The following ARMC1 variants were observed in gnomAD, a reference collection of about 807,000 sequenced individuals.
ARMC1 encodes armadillo repeat containing 1.
In ARMC1, 16 loss-of-function variants were observed where a neutral mutation model predicts 31.4. The ratio of observed to expected loss-of-function variants is 0.51; its 90% CI spans 0.34 to 0.77. The LOEUF (loss-of-function observed/expected upper bound fraction) is 0.77, where lower values mean the gene tolerates loss of function less well. Among genes scored for constraint, ARMC1 ranks in the 30% least tolerant of loss-of-function variants. The pLI is 0.01. For missense variants in ARMC1, 259 were observed against 347.5 expected (o/e 0.75, Z 2.02); for synonymous variants, 114 against 118.9 (o/e 0.96, Z 0.27).
intron 1 of ARMC1, chr8:65,632,976 C>T (rs1808680247): frequency 6.6e-6 from 1 of 152,218 alleles, no homozygotes; most frequent in Non-Finnish European, 1.5e-5. Context: ...GTTTAATGAG[C>T]ACTCTGGTCA....
chr8:65,605,618 AG>A, intron 4 of ARMC1, 80 bp from the exon 5 acceptor site: 6 of 982,052 alleles, frequency 6.1e-6, no homozygotes, highest in South Asian at 5.5e-5. Context: ...TATATTTTGG[AG>A]GGGGGAAGAG....
chr8:65,624,198 A>T (rs1323313983), intron 2 of ARMC1, among the ~76,000 whole-genome samples: 1 of 152,070 alleles, frequency 6.6e-6, no homozygotes, highest in Non-Finnish European at 1.5e-5. Context: ...AATGAAGGTA[A>T]ATATAAAAGA....
intron 4 of ARMC1, among the ~76,000 whole-genome samples, chr8:65,607,753 T>C (rs1398605304): frequency 2.0e-5 from 3 of 152,202 alleles, no homozygotes; most frequent in Non-Finnish European, 2.9e-5. Flanking sequence ...TCCACAAATT[T>C]AGGAAGAACT....
At chr8:65,610,158 C>T (rs1039066269) in intron 4 of ARMC1, among the ~76,000 whole-genome samples, 2 of 151,982 alleles carry the variant, frequency 1.3e-5, no homozygotes, top group African/African-American at 4.8e-5. Flanking sequence ...AGTGCAATGG[C>T]GCAATCTCAG....
chr8:65,607,995 T>C (rs1333457609), intron 4 of ARMC1, among the ~76,000 whole-genome samples: 1 of 152,220 alleles, frequency 6.6e-6, no homozygotes, highest in Non-Finnish European at 1.5e-5. Context: ...ACTACTTTTC[T>C]CCTTTTAAGA....
chr8:65,632,257 G>A lies in ARMC1; in HGVS notation c.-36+1741C>T, dbSNP rs151115830. Among the ~76,000 whole-genome samples, 11 of 151,836 alleles carry A rather than the reference G, an allele frequency of 7.2e-5. No individual in the cohort carries two copies. The East Asian group carries it at 1.9e-3, about 27-fold the overall frequency. On this transcript the variant is annotated intron_variant, in intron 1 of 6. Transcript: ENST00000276569. The stretch of plus-strand genomic sequence containing the variant: ...AGTTCAAGACCAGCCTGGGCAACAT[G>A]GCAAAACCCCATCTCTACTAAAAAT...
intron 3 of ARMC1, among the ~76,000 whole-genome samples, chr8:65,615,555 A>T (rs1374725780): frequency 6.6e-6 from 1 of 151,946 alleles, no homozygotes; most frequent in African/African-American, 2.4e-5. Context: ...AAAAGCACAA[A>T]AACTAGCTGG....
chr8:65,608,281 C>T (rs996052692), intron 4 of ARMC1, among the ~76,000 whole-genome samples: 10 of 152,182 alleles, frequency 6.6e-5, no homozygotes, highest in African/African-American at 1.2e-4. Context: ...AATCCTAGCA[C>T]TTTGTGAGGC....
chr8:65,608,256 G>A (rs901650442), intron 4 of ARMC1, among the ~76,000 whole-genome samples: 1 of 152,170 alleles, frequency 6.6e-6, no homozygotes, highest in Non-Finnish European at 1.5e-5. Flanking sequence ...GCCAGGCGCG[G>A]TGGCTCACAC....
chr8:65,614,992 C>T (rs556138354), intron 3 of ARMC1, among the ~76,000 whole-genome samples: 19 of 151,990 alleles, frequency 1.3e-4, no homozygotes, highest in Non-Finnish European at 2.2e-4. Flanking sequence ...AGGAAGGTAT[C>T]CTTTTTGTAC....
At chr8:65,615,894 A>T (rs1172254231) in intron 3 of ARMC1, among the ~76,000 whole-genome samples, 3 of 151,770 alleles carry the variant, frequency 2.0e-5, no homozygotes, top group Non-Finnish European at 4.4e-5. Context: ...AGACTCCGTC[A>T]CAAAAAAAAA....
At chr8:65,629,528 C>T (rs553499630) in intron 1 of ARMC1, among the ~76,000 whole-genome samples, 37 of 152,128 alleles carry the variant, frequency 2.4e-4, no homozygotes, top group African/African-American at 8.2e-4. Flanking sequence ...CAGATGGGCG[C>T]GGTGGCTCAC....
chr8:65,609,835 G>A (rs1399788842), intron 4 of ARMC1, among the ~76,000 whole-genome samples: 2 of 145,078 alleles, frequency 1.4e-5, no homozygotes, highest in Admixed American at 7.1e-5. Flanking sequence ...TCCAGCCTGG[G>A]GGACAGAGCA....
At position 65,628,515 on chromosome 8, in the gene ARMC1, G is replaced by C. The variant is rs866247536; in HGVS notation, c.-35-1082C>G. Reference sequence around the variant, plus strand: ...GCCCGCCTTGGCCTCCCAAAATGCTGGGATTACAGGCATGAGCCACCGTGT... The same window carrying C: ...GCCCGCCTTGGCCTCCCAAAATGCTCGGATTACAGGCATGAGCCACCGTGT... On this transcript the variant is annotated intron_variant, in intron 1 of 6. Coordinates refer to ENST00000276569, the MANE Select transcript of ARMC1 (RefSeq NM_018120.6). Among the ~76,000 whole-genome samples the C allele has an allele frequency of 2.0e-5, 3 of 148,326 alleles. No homozygotes were observed. In the South Asian group the frequency reaches 6.4e-4, roughly 32 times the overall value.
intron 2 of ARMC1, 72 bp from the exon 3 acceptor site, chr8:65,622,426 T>C: frequency 8.3e-7 from 1 of 1,199,886 alleles, no homozygotes; most frequent in Non-Finnish European, 1.2e-6. Flanking sequence ...ACTAATTTAC[T>C]GCAAGAAAAC....
In ARMC1 at chr8:65,627,077, CAT is replaced by C. The variant is rs1217889274; in HGVS notation, c.183+137_183+138del. ...GTAAACAGACCACAGACCACACATA[CAT>C]ATGTTTGTACCTACATAAATACAAA... On this transcript the variant is annotated intron_variant, in intron 2 of 6. Coordinates refer to ENST00000276569, the MANE Select transcript of ARMC1 (RefSeq NM_018120.6). 4.4e-6 allele frequency: 3 copies of C among 685,478 alleles called. No homozygotes were observed. In the African/African-American group the frequency reaches 5.4e-5, roughly 12 times the overall value. 42.5% of individuals were successfully genotyped at this position (685,478 alleles called of 1,614,324 possible). A position where few individuals can be genotyped will look rare whatever the true frequency, so the allele number is the denominator to read the frequency against.
Position 65,604,173 on chromosome 8 carries a change from CA to C in ARMC1, c.*220del. The C allele has an allele frequency of 2.3e-6, 1 of 426,628 alleles. No individual in the cohort carries two copies. Among genetic ancestry groups the C allele is most frequent in the Non-Finnish European group, 4.1e-6 (1 of 240,992 alleles). The allele number at this position is 426,628 out of a possible 1,614,324, so 26.4% of individuals were successfully genotyped here. Reference sequence around the variant, plus strand: ...GGCAATTAAATGAAAGAAAACAAACCAAAATACTTTCATAAACAAAGCAACT... The same window carrying C: ...GGCAATTAAATGAAAGAAAACAAACCAAATACTTTCATAAACAAAGCAACT... On this transcript the variant is annotated 3_prime_UTR_variant, in exon 7 of 7. Transcript: ENST00000276569.
chr8:65,607,636 C>T (rs1326904268), intron 4 of ARMC1, among the ~76,000 whole-genome samples: 9 of 152,178 alleles, frequency 5.9e-5, no homozygotes, highest in African/African-American at 1.7e-4. Flanking sequence ...TAATGCCTAA[C>T]ATTAGGTGCT....
At chr8:65,627,938 G>C (rs1808549819) in intron 1 of ARMC1, among the ~76,000 whole-genome samples, 1 of 152,206 alleles carries the variant, frequency 6.6e-6, no homozygotes, top group Non-Finnish European at 1.5e-5. Context: ...AAATCAAGAA[G>C]ACAGGAAAGG....
Sources: allele counts gnomAD v4.1 joint callset (sites outside exome capture counted in the v4.1 genomes callset), GRCh38; gene constraint gnomAD v4.1.1; transcripts MANE v1.5; gene names NCBI Gene and HGNC (gene_info 2026-07-23, HGNC 2026-07-21).